The following CTDSPL variants were observed in gnomAD, a reference collection of about 807,000 sequenced individuals.
CTDSPL encodes CTD small phosphatase like.
A neutral mutation model predicts 30.5 loss-of-function variants in CTDSPL; 8 were observed. That is an observed-to-expected ratio of 0.26 (90% CI 0.15 to 0.47). CTDSPL has a LOEUF of 0.47. CTDSPL is among the 20% of genes least tolerant of loss of function. CTDSPL has a pLI of 0.99. For synonymous variants in CTDSPL, 110 were observed against 137.9 expected (o/e 0.80, Z 1.42); for missense variants, 248 against 366.1 (o/e 0.68, Z 2.63).
chr3:37,963,903 C>T (rs889778271), intron 3 of CTDSPL, among the ~76,000 whole-genome samples: 7 of 151,788 alleles, frequency 4.6e-5, no homozygotes, highest in Non-Finnish European at 7.4e-5. Flanking sequence ...TACCACAGTG[C>T]GGTGGCACAA....
intron 2 of CTDSPL, among the ~76,000 whole-genome samples, chr3:37,951,346 C>A (rs542801238): frequency 6.9e-6 from 1 of 145,348 alleles, no homozygotes; most frequent in African/African-American, 2.6e-5. Context: ...CCAGCCTGGG[C>A]GAAAGAGCAA....
chr3:37,968,815 G>T (rs1699329883), intron 5 of CTDSPL, among the ~76,000 whole-genome samples: 1 of 152,224 alleles, frequency 6.6e-6, no homozygotes, highest in Non-Finnish European at 1.5e-5. Flanking sequence ...GCCAGGGAAG[G>T]GGTTGGTTAA....
At position 37,965,893 on chromosome 3, in the gene CTDSPL, G is replaced by A. The variant is rs182873753; in HGVS notation, c.369+1221G>A. On this transcript the variant is annotated intron_variant, in intron 4 of 7. Coordinates refer to ENST00000273179, the MANE Select transcript of CTDSPL (RefSeq NM_001008392.2). ...GGGACCACCTCATTCCCTAGCACTT[G>A]AGGACCAGCCCCTTCCATAGTTGGT... Among the ~76,000 whole-genome samples the A allele has an allele frequency of 3.4e-4, 52 of 152,274 alleles. No individual in the cohort carries two copies. The East Asian group carries it at 0.01, about 29-fold the overall frequency.
At chr3:37,922,195 A>G (rs1698724989) in intron 1 of CTDSPL, among the ~76,000 whole-genome samples, 1 of 151,674 alleles carries the variant, frequency 6.6e-6, no homozygotes, top group African/African-American at 2.4e-5. Context: ...AGATCACACC[A>G]TTGCACTCCA....
chr3:37,947,150 C>G lies in CTDSPL; in HGVS notation c.173C>G (p.Pro58Arg). ...TTCCGTGATTACAATGTGGAGGCCC[C>G]TCCACCCAGCAGCCCCAGTGTGCTT... ...CCFRDYNVEA[P>R]PPSSPSVLPP... Residue 58 changes from proline to arginine, a missense_variant, in exon 2 of 8, where the codon CCT (proline) becomes CGT (arginine). By Grantham distance (103) the Pro-to-Arg change is moderately radical. This residue lies in a region of CTDSPL where 118 missense variants were observed against 124.7 expected (regional missense o/e 0.95). Transcript: ENST00000273179. 1 of 1,613,152 alleles carries G rather than the reference C, an allele frequency of 6.2e-7. No individual in the cohort carries two copies. The highest frequency in any genetic ancestry group is 8.5e-7 in the Non-Finnish European group (1 of 1,179,986).
chr3:37,919,961 C>T (rs1462572653), intron 1 of CTDSPL, among the ~76,000 whole-genome samples: 1 of 152,102 alleles, frequency 6.6e-6, no homozygotes, highest in Non-Finnish European at 1.5e-5. Flanking sequence ...ATGTTTTCTT[C>T]TCTTAGTCTC....
chr3:37,926,636 A>G (rs993159689), intron 1 of CTDSPL, among the ~76,000 whole-genome samples: 2 of 152,226 alleles, frequency 1.3e-5, no homozygotes, highest in Non-Finnish European at 2.9e-5. Context: ...TACTACTTTA[A>G]CAAATCATTC....
intron 1 of CTDSPL, among the ~76,000 whole-genome samples, chr3:37,891,412 G>T (rs1698323717): frequency 6.6e-6 from 1 of 152,140 alleles, no homozygotes; most frequent in Non-Finnish European, 1.5e-5. Flanking sequence ...TGAAGGAAAG[G>T]GCCCTTCTAC....
At chr3:37,869,223 C>G (rs769229335) in intron 1 of CTDSPL, among the ~76,000 whole-genome samples, 3 of 152,048 alleles carry the variant, frequency 2.0e-5, no homozygotes, top group Non-Finnish European at 4.4e-5. Flanking sequence ...GCGTAGTGAT[C>G]AGATCAAGGT....
At chr3:37,949,176 A>C (rs894957932) in intron 2 of CTDSPL, among the ~76,000 whole-genome samples, 3 of 152,218 alleles carry the variant, frequency 2.0e-5, no homozygotes, top group Admixed American at 2.0e-4. Context: ...TGGTTTTAGC[A>C]TGGAGTGGTA....
rs1158996970 is a variant in CTDSPL at position 37,942,568 on chromosome 3, C to CG, written c.80-4484dup. Among the ~76,000 whole-genome samples, 7 of 150,106 alleles carry CG rather than the reference C, an allele frequency of 4.7e-5. 1 individual carries two copies. In the South Asian group the frequency reaches 1.5e-3, roughly 33 times the overall value. Reference sequence around the variant, plus strand: ...TGAGGTGGGAGGATGTCTTGAGCCCCGGGGGTAGAGGTTGCAGTGAGCCAA... The same window carrying CG: ...TGAGGTGGGAGGATGTCTTGAGCCCCGGGGGGTAGAGGTTGCAGTGAGCCAA... On this transcript the variant is annotated intron_variant, in intron 1 of 7. Transcript: ENST00000273179.
chr3:37,916,465 G>A (rs1698648342), intron 1 of CTDSPL, among the ~76,000 whole-genome samples: 1 of 152,120 alleles, frequency 6.6e-6, no homozygotes, highest in African/African-American at 2.4e-5. Flanking sequence ...TTAAGGTAAG[G>A]TCGTACTGGA....
intron 1 of CTDSPL, among the ~76,000 whole-genome samples, chr3:37,920,791 C>G (rs1698703835): frequency 6.6e-6 from 1 of 152,220 alleles, no homozygotes; most frequent in Non-Finnish European, 1.5e-5. Context: ...AATGTGGATG[C>G]ATTTCACTTG....
intron 1 of CTDSPL, among the ~76,000 whole-genome samples, chr3:37,877,541 G>T (rs1559622537): frequency 6.6e-6 from 1 of 152,130 alleles, no homozygotes. Context: ...TCGTGATTGT[G>T]AATTATACTC....
chr3:37,868,256 C>T (rs1698035160), intron 1 of CTDSPL, among the ~76,000 whole-genome samples: 1 of 151,834 alleles, frequency 6.6e-6, no homozygotes, highest in African/African-American at 2.4e-5. Flanking sequence ...TGCCCATGTT[C>T]TAATTGGATT....
chr3:37,973,717 C>T (rs1333908456), intron 6 of CTDSPL, among the ~76,000 whole-genome samples: 1 of 152,260 alleles, frequency 6.6e-6, no homozygotes, highest in Non-Finnish European at 1.5e-5. Context: ...TTCCTTCCTT[C>T]ATTCACCCAG....
chr3:37,984,395 T>G lies in CTDSPL; in HGVS notation c.*3528T>G. On this transcript the variant is annotated 3_prime_UTR_variant, in exon 8 of 8. Coordinates refer to ENST00000273179, the MANE Select transcript of CTDSPL (RefSeq NM_001008392.2). ...ATGCTACATGCGGAATGTGCACGTT[T>G]CCAGGGGCGAGTATTGTCAATCAAA... The G allele has an allele frequency of 1.4e-5, 6 of 438,154 alleles. No homozygotes were observed. The highest frequency in any genetic ancestry group is 2.8e-5 in the Non-Finnish European group (6 of 213,478). The allele number at this position is 438,154 out of a possible 1,614,324, so 27.1% of individuals were successfully genotyped here.
intron 1 of CTDSPL, among the ~76,000 whole-genome samples, chr3:37,888,176 C>T (rs1016429988): frequency 4.6e-5 from 7 of 152,174 alleles, no homozygotes; most frequent in African/African-American, 1.7e-4. Flanking sequence ...GGAAAAACAT[C>T]TCCTGACATT....
At position 37,916,987 on chromosome 3, in the gene CTDSPL, G is replaced by A. The variant is rs554836469; in HGVS notation, c.80-30070G>A. Among the ~76,000 whole-genome samples the A allele has an allele frequency of 3.3e-5, 5 of 152,292 alleles. No individual in the cohort carries two copies. In the East Asian group the frequency reaches 9.7e-4, roughly 29 times the overall value. On this transcript the variant is annotated intron_variant, in intron 1 of 7. Transcript: ENST00000273179. The stretch of plus-strand genomic sequence containing the variant: ...CTGCTTTCTGCTCCACTGACATGCT[G>A]CAGGTTTTCTCCAGCTTCTTCACAT...
Sources: allele counts gnomAD v4.1 joint callset (sites outside exome capture counted in the v4.1 genomes callset), GRCh38; gene constraint gnomAD v4.1.1; regional missense constraint gnomAD v4.1.1; transcripts MANE v1.5; gene names NCBI Gene and HGNC (gene_info 2026-07-23, HGNC 2026-07-21).